Variants in CENPC observed in about 807,000 individuals in gnomAD.
CENPC encodes the protein CENP-C 1.
In CENPC, 63 loss-of-function variants were observed where a neutral mutation model predicts 112.1. That is an observed-to-expected ratio of 0.56 (90% CI 0.46 to 0.69). The LOEUF (loss-of-function observed/expected upper bound fraction) is 0.69, where lower values mean the gene tolerates loss of function less well. Among genes scored for constraint, CENPC ranks in the 30% least tolerant of loss-of-function variants. The pLI is 0.00. For missense variants in CENPC, 1,000 were observed against 1,103.8 expected (o/e 0.91, Z 1.33); for synonymous variants, 333 against 367.6 (o/e 0.91, Z 1.08).
At position 67,491,511 on chromosome 4, in the gene CENPC, A is replaced by AGAGAGAGAGAGAGAGGGAGAGAGG. The variant is rs1553893242; in HGVS notation, c.2515+668_2515+669insCCTCTCTCCCTCTCTCTCTCTCTC. 2.6e-5 allele frequency among the ~76,000 whole-genome samples: 3 copies of AGAGAGAGAGAGAGAGGGAGAGAGG among 114,566 alleles called. 1 individual carries two copies. Among genetic ancestry groups the AGAGAGAGAGAGAGAGGGAGAGAGG allele is most frequent in the Admixed American group, 9.8e-5 (1 of 10,172 alleles). 75.2% of individuals were successfully genotyped at this position (114,566 alleles called of 152,430 possible). ...GAGAGAGAGAGAGAGAGAGAGAGAG[A>AGAGAGAGAGAGAGAGGGAGAGAGG]GAGAGAGAGAGAGAGAGCCTGGTTG... On this transcript the variant is annotated intron_variant, in intron 16 of 18. Coordinates refer to ENST00000273853, the MANE Select transcript of CENPC (RefSeq NM_001812.4).
At chr4:67,533,849 G>A (rs917840984) in intron 4 of CENPC, among the ~76,000 whole-genome samples, 2 of 151,778 alleles carry the variant, frequency 1.3e-5, no homozygotes, top group Non-Finnish European at 2.9e-5. Flanking sequence ...ATCAGCCTGG[G>A]AAACTTAGCA....
rs1724619625 is a variant in CENPC, at chr4:67,470,264, T to C, written c.*2341A>G. 1 of 151,870 alleles carries C rather than the reference T, an allele frequency of 6.6e-6. No individual in the cohort carries two copies. The highest frequency in any genetic ancestry group is 1.5e-5 in the Non-Finnish European group (1 of 68,098). 9.4% of individuals were successfully genotyped at this position (151,870 alleles called of 1,614,324 possible). On this transcript the variant is annotated 3_prime_UTR_variant, in exon 19 of 19. Transcript: ENST00000273853. ...TTTGCTGAACCATATGGGCTTTCAG[T>C]TTAGACAAAGAAAGGCTACACTTAA...
intron 4 of CENPC, among the ~76,000 whole-genome samples, chr4:67,536,425 C>T (rs896200505): frequency 3.9e-5 from 6 of 152,118 alleles, no homozygotes; most frequent in Non-Finnish European, 7.4e-5. Flanking sequence ...AAGAGAAAAA[C>T]TAATTTATTT....
At chr4:67,494,420 G>A (rs1241413205) in intron 13 of CENPC, among the ~76,000 whole-genome samples, 1 of 152,006 alleles carries the variant, frequency 6.6e-6, no homozygotes, top group Non-Finnish European at 1.5e-5. Context: ...GCCCTGCTCA[G>A]GAACATTTTT....
Position 67,545,367 on chromosome 4 carries a change from G to C in CENPC, c.-12C>G. 6.6e-7 allele frequency: 1 copy of C among 1,522,440 alleles called. No homozygotes were observed. Among genetic ancestry groups the C allele is most frequent in the East Asian group, 2.6e-5 (1 of 38,088 alleles). 94.3% of individuals were successfully genotyped at this position (1,522,440 alleles called of 1,614,324 possible). A position where few individuals can be genotyped will look rare whatever the true frequency, so the allele number is the denominator to read the frequency against. ...CCGGACGCAGCCATGTTCCGGCCCCGCTGAGCCAGCGCAACTGTCTGAGGT... is the reference window on the plus strand; with the variant it reads ...CCGGACGCAGCCATGTTCCGGCCCCCCTGAGCCAGCGCAACTGTCTGAGGT... On this transcript the variant is annotated 5_prime_UTR_variant, in exon 1 of 19. Transcript: ENST00000273853.
At chr4:67,479,789 T>A (rs928411966) in intron 17 of CENPC, among the ~76,000 whole-genome samples, 1 of 151,782 alleles carries the variant, frequency 6.6e-6, no homozygotes, top group Non-Finnish European at 1.5e-5. Flanking sequence ...AGACAGAAGA[T>A]CCAAATAAAC....
chr4:67,541,653 T>C (rs948970331), intron 2 of CENPC, among the ~76,000 whole-genome samples: 4 of 152,218 alleles, frequency 2.6e-5, no homozygotes, highest in African/African-American at 9.6e-5. Flanking sequence ...AATCTACCAA[T>C]GCTATTGTGA....
In CENPC at chr4:67,514,087, C is replaced by T. The variant is rs748904599; in HGVS notation, c.1431G>A (p.Gln477=). 1 of 1,593,678 alleles carries T rather than the reference C, an allele frequency of 6.3e-7. No individual in the cohort carries two copies. The highest frequency in any genetic ancestry group is 1.1e-5 in the South Asian group (1 of 87,908). ...ATAAACACTTACCCACAGGTGGCAT[C>T]TGTTTTTTGGAAACACAATCATTTC... The part of the protein sequence containing the change: ...EMGNDCVSKK[Q]MPPVGSKKSS... Residue 477 remains glutamine, a synonymous_variant, in exon 8 of 19, where the codon CAG becomes CAA. Transcript: ENST00000273853.
intron 9 of CENPC, among the ~76,000 whole-genome samples, chr4:67,511,375 A>G (rs1409685432): frequency 1.3e-5 from 2 of 152,164 alleles, no homozygotes; most frequent in African/African-American, 4.8e-5. Flanking sequence ...AGTCAATAGT[A>G]TTTGTGTATG....
At chr4:67,519,734 A>G (rs543685096) in intron 5 of CENPC, among the ~76,000 whole-genome samples, 4 of 152,328 alleles carry the variant, frequency 2.6e-5, no homozygotes, top group African/African-American at 9.6e-5. Context: ...TTACACATAC[A>G]CACATGGAAT....
intron 5 of CENPC, among the ~76,000 whole-genome samples, chr4:67,524,893 A>C (rs989436497): frequency 9.2e-5 from 14 of 152,348 alleles, no homozygotes; most frequent in African/African-American, 3.4e-4. Flanking sequence ...AAAAGAACAA[A>C]GTGGAAGGCA....
chr4:67,530,923 A>G lies in CENPC; in HGVS notation c.232-9T>C, dbSNP rs759329838. The G allele has an allele frequency of 2.8e-6, 4 of 1,446,950 alleles. No individual in the cohort carries two copies. The South Asian group carries it at 4.9e-5, about 18-fold the overall frequency. The allele number at this position is 1,446,950 out of a possible 1,614,324, so 89.6% of individuals were successfully genotyped here. A position where few individuals can be genotyped will look rare whatever the true frequency, so the allele number is the denominator to read the frequency against. ...GGATGTGATTTCTGGCACTGAGCAC[A>G]GAAGAAATACAACATTAGAACTATT... On this transcript the variant is annotated splice_polypyrimidine_tract_variant and intron_variant, in intron 4 of 18. Coordinates refer to ENST00000273853, the MANE Select transcript of CENPC (RefSeq NM_001812.4).
Position 67,470,463 on chromosome 4 carries a change from T to G in CENPC, c.*2142A>C, listed in dbSNP as rs1385249231. 1 of 150,078 alleles carries G rather than the reference T, an allele frequency of 6.7e-6. No homozygotes were observed. Among genetic ancestry groups the G allele is most frequent in the Non-Finnish European group, 1.5e-5 (1 of 67,904 alleles). 9.3% of individuals were successfully genotyped at this position (150,078 alleles called of 1,614,324 possible). A position where few individuals can be genotyped will look rare whatever the true frequency, so the allele number is the denominator to read the frequency against. On this transcript the variant is annotated 3_prime_UTR_variant, in exon 19 of 19. Coordinates refer to ENST00000273853, the MANE Select transcript of CENPC (RefSeq NM_001812.4). ...GGCAAGCAACTGTAATCCCAGCTAC[T>G]CAGGAGGCTGACGCAGGAGAATTGC...
At chr4:67,521,011 CA>C (rs1490136419) in intron 5 of CENPC, among the ~76,000 whole-genome samples, 2 of 131,716 alleles carry the variant, frequency 1.5e-5, no homozygotes, top group African/African-American at 5.3e-5. Flanking sequence ...GACTCTGTCT[CA>C]AAAAATAAAC....
At chr4:67,538,812 G>A (rs1159015877) in intron 4 of CENPC, among the ~76,000 whole-genome samples, 6 of 152,170 alleles carry the variant, frequency 3.9e-5, no homozygotes, top group African/African-American at 7.2e-5. Flanking sequence ...CATAAGTAAC[G>A]GGACACAGTA....
In CENPC at chr4:67,540,974, C is replaced by G; in HGVS notation, c.136+6G>C. 6.3e-7 allele frequency: 1 copy of G among 1,595,382 alleles called. No homozygotes were observed. On this transcript the variant is annotated splice_donor_region_variant and intron_variant, in intron 3 of 18. Coordinates refer to ENST00000273853, the MANE Select transcript of CENPC (RefSeq NM_001812.4). ...CCTTAAATTCCATCTTGAAATGAAGCCTTACTTTTTTCTTCAAAACAGTCT... is the reference window on the plus strand; with the variant it reads ...CCTTAAATTCCATCTTGAAATGAAGGCTTACTTTTTTCTTCAAAACAGTCT...
chr4:67,535,335 T>C (rs1478123595), intron 4 of CENPC, among the ~76,000 whole-genome samples: 1 of 151,028 alleles, frequency 6.6e-6, no homozygotes, highest in South Asian at 2.1e-4. Context: ...AGATTTCAGA[T>C]CCAAGAAATA....
Position 67,514,608 on chromosome 4 carries a change from T to C in CENPC, c.910A>G (p.Ile304Val). ...DDTKLIEDEF[I>V]IDESDQSFAS... Reference sequence around the variant, plus strand: ...AAACTTTGATCCGACTCATCAATTATAAATTCATCCTCTATCAACTTCGTA... The same window carrying C: ...AAACTTTGATCCGACTCATCAATTACAAATTCATCCTCTATCAACTTCGTA... Residue 304 changes from isoleucine to valine, a missense_variant, in exon 8 of 19, where the codon ATA becomes GTA. Physicochemically the swap from Ile to Val is conservative, Grantham distance 29. Coordinates refer to ENST00000273853, the MANE Select transcript of CENPC (RefSeq NM_001812.4). 1.2e-6 allele frequency: 2 copies of C among 1,607,878 alleles called. No individual in the cohort carries two copies. Among genetic ancestry groups the C allele is most frequent in the Non-Finnish European group, 1.7e-6 (2 of 1,177,128 alleles).
At chr4:67,501,465 G>C (rs1398250623) in intron 12 of CENPC, among the ~76,000 whole-genome samples, 1 of 152,184 alleles carries the variant, frequency 6.6e-6, no homozygotes, top group Non-Finnish European at 1.5e-5. Context: ...TTGATCATGA[G>C]TTAAGTTAGG....
Sources: allele counts gnomAD v4.1 joint callset (sites outside exome capture counted in the v4.1 genomes callset), GRCh38; gene constraint gnomAD v4.1.1; transcripts MANE v1.5; gene names NCBI Gene and HGNC (gene_info 2026-07-23, HGNC 2026-07-21).